Variants in DCDC2 observed in about 807,000 individuals in gnomAD.
The protein encoded by DCDC2 is doublecortin domain-containing protein 2.
Under a neutral mutation model 50.2 loss-of-function variants are expected in DCDC2, and 40 were observed. The observed-to-expected ratio is 0.80, with a 90% CI of 0.62 to 1.04. DCDC2 has a LOEUF of 1.04. Among genes scored for constraint, DCDC2 ranks in the 50% least tolerant of loss-of-function variants. The pLI is 0.00. For synonymous variants in DCDC2, 234 were observed against 210.6 expected (o/e 1.11, Z -0.96); for missense variants, 570 against 581.9 (o/e 0.98, Z 0.21).
intron 7 of DCDC2, among the ~76,000 whole-genome samples, chr6:24,273,308 G>A (rs573156681): frequency 3.7e-4 from 56 of 152,262 alleles, no homozygotes; most frequent in Middle Eastern, 3.4e-3. Context: ...GAAGAGGTAT[G>A]AGAAATTACA....
At chr6:24,258,124 C>T (rs1186727467) in intron 7 of DCDC2, among the ~76,000 whole-genome samples, 7 of 152,066 alleles carry the variant, frequency 4.6e-5, no homozygotes, top group African/African-American at 7.2e-5. Context: ...TCAAAAATGA[C>T]GCCACTGACC....
chr6:24,338,836 G>T (rs1285003108), intron 2 of DCDC2, among the ~76,000 whole-genome samples: 1 of 152,134 alleles, frequency 6.6e-6, no homozygotes, highest in Non-Finnish European at 1.5e-5. Context: ...AGTAGAGGGG[G>T]TTTCACCATG....
At chr6:24,323,422 A>C (rs1424555767) in intron 2 of DCDC2, among the ~76,000 whole-genome samples, 2 of 152,196 alleles carry the variant, frequency 1.3e-5, no homozygotes, top group Admixed American at 1.3e-4. Flanking sequence ...AATTCTAGTA[A>C]GATCTGTAGA....
intron 2 of DCDC2, among the ~76,000 whole-genome samples, chr6:24,317,280 T>C (rs1343282301): frequency 6.6e-6 from 1 of 152,022 alleles, no homozygotes; most frequent in Admixed American, 6.6e-5. Flanking sequence ...GTGGTACTTG[T>C]GCATAGACAA....
intron 7 of DCDC2, among the ~76,000 whole-genome samples, chr6:24,207,282 C>G (rs1170292110): frequency 6.6e-6 from 1 of 151,092 alleles, no homozygotes; most frequent in Non-Finnish European, 1.5e-5. Flanking sequence ...CTCTCTCTCT[C>G]TCTCTCAGAC....
At chr6:24,176,051 G>A (rs1276557017) in intron 9 of DCDC2, among the ~76,000 whole-genome samples, 2 of 151,956 alleles carry the variant, frequency 1.3e-5, no homozygotes, top group East Asian at 3.9e-4. Flanking sequence ...TCATCACTTT[G>A]AGAGGTCAAG....
chr6:24,224,501 T>C (rs1015193065), intron 7 of DCDC2, among the ~76,000 whole-genome samples: 10 of 152,192 alleles, frequency 6.6e-5, no homozygotes, highest in Non-Finnish European at 1.3e-4. Context: ...AAGCACTTGG[T>C]GAGCGTGTGT....
intron 2 of DCDC2, chr6:24,353,318 A>G: frequency 1.8e-6 from 1 of 542,064 alleles, no homozygotes; most frequent in African/African-American, 1.9e-5. Flanking sequence ...GAGAACATGT[A>G]GCTAGAAAAG....
Position 24,218,657 on chromosome 6 carries a change from T to C in DCDC2, c.923-13555A>G, listed in dbSNP as rs1211337592. On this transcript the variant is annotated intron_variant, in intron 7 of 9. Transcript: ENST00000378454. The stretch of plus-strand genomic sequence containing the variant: ...CATGCATCATCACACCTGACTAATT[T>C]CTTTTGCTTTTTGTAGAGATGAGGT... Among the ~76,000 whole-genome samples the C allele has an allele frequency of 2.6e-5, 4 of 152,244 alleles. No individual in the cohort carries two copies. The South Asian group carries it at 8.3e-4, about 32-fold the overall frequency.
At chr6:24,362,625 C>T (rs959684720), upstream of DCDC2, among the ~76,000 whole-genome samples, 8 of 152,060 alleles carry the variant, frequency 5.3e-5, no homozygotes, top group Non-Finnish European at 1.2e-4. Context: ...TTGCCTCACA[C>T]GCCAGAACAA....
chr6:24,183,238 G>C (rs1365161636), intron 8 of DCDC2, among the ~76,000 whole-genome samples: 1 of 152,138 alleles, frequency 6.6e-6, no homozygotes, highest in Non-Finnish European at 1.5e-5. Context: ...ACAACATTAT[G>C]AATGTGTTTC....
rs141245028 is a variant in DCDC2 at position 24,205,339 on chromosome 6, G to A, written c.923-237C>T. ...TGACCCAGCAGGGTAAAGTTCTGTC[G>A]AAGCTCCTGTTCACCCTTTGGCTAC... is the stretch of plus-strand genomic sequence containing the variant. On this transcript the variant is annotated intron_variant, in intron 7 of 9. Transcript: ENST00000378454. 7.0e-5 allele frequency: 105 copies of A among 1,507,530 alleles called. No homozygotes were observed. In the East Asian group the frequency reaches 2.4e-3, roughly 34 times the overall value. The allele number at this position is 1,507,530 out of a possible 1,614,324, so 93.4% of individuals were successfully genotyped here.
chr6:24,341,961 CACACAA>C (rs1463288246), intron 2 of DCDC2, among the ~76,000 whole-genome samples: 8 of 152,120 alleles, frequency 5.3e-5, no homozygotes, highest in South Asian at 2.1e-4. Context: ...CACACACACA[CACACAA>C]ACACACAGAG....
At chr6:24,233,094 C>T (rs1025578114) in intron 7 of DCDC2, among the ~76,000 whole-genome samples, 2 of 152,184 alleles carry the variant, frequency 1.3e-5, no homozygotes, top group Non-Finnish European at 2.9e-5. Context: ...TATCTGATGA[C>T]AATGGCGATC....
the DCDC2 span, among the ~76,000 whole-genome samples, chr6:24,373,931 T>G: frequency 6.6e-6 from 1 of 150,800 alleles, no homozygotes; most frequent in Admixed American, 6.6e-5. Flanking sequence ...GGGAGTCCGA[T>G]GCGGGCAGAT....
intron 6 of DCDC2, among the ~76,000 whole-genome samples, chr6:24,279,930 G>C (rs967618862): frequency 3.3e-5 from 5 of 152,172 alleles, no homozygotes; most frequent in African/African-American, 1.2e-4. Context: ...ATAAGTATTA[G>C]AATGCTGTCT....
intron 2 of DCDC2, among the ~76,000 whole-genome samples, chr6:24,340,847 T>TC (rs1469588781): frequency 6.6e-6 from 1 of 152,176 alleles, no homozygotes; most frequent in Non-Finnish European, 1.5e-5. Context: ...TACCTCAGCC[T>TC]CCCGAGTAGC....
intron 8 of DCDC2, among the ~76,000 whole-genome samples, chr6:24,179,378 T>C (rs1561879290): frequency 6.7e-6 from 1 of 149,544 alleles, no homozygotes; most frequent in Non-Finnish European, 1.5e-5. Context: ...AAACCCCATC[T>C]CTACTAAAAA....
At chr6:24,319,587 T>C (rs905731483) in intron 2 of DCDC2, among the ~76,000 whole-genome samples, 1 of 152,186 alleles carries the variant, frequency 6.6e-6, no homozygotes, top group Admixed American at 6.5e-5. Context: ...AGGAGAGATT[T>C]TCCCAAGACA....
Sources: gnomAD v4.1 joint callset for allele counts (sites outside exome capture counted in the v4.1 genomes callset) on GRCh38, gnomAD v4.1.1 for gene constraint, MANE v1.5 for transcripts, NCBI Gene and HGNC (gene_info 2026-07-23, HGNC 2026-07-21) for gene names.